Variants in NPSR1 observed in about 807,000 individuals in gnomAD.
The protein encoded by NPSR1 is neuropeptide S receptor.
In NPSR1, 48 loss-of-function variants were observed where a neutral mutation model predicts 46.9. The ratio of observed to expected loss-of-function variants is 1.02; its 90% CI spans 0.81 to 1.30. The LOEUF (loss-of-function observed/expected upper bound fraction) is 1.30. Among genes scored for constraint, NPSR1 ranks in the 50% most tolerant of loss-of-function variants. The pLI is 0.00. For missense variants in NPSR1, 450 were observed against 449.5 expected, an observed-to-expected ratio of 1.00 and a Z score of -0.01; for synonymous variants, 176 against 168.1, an observed-to-expected ratio of 1.05 and a Z score of -0.36.
chr7:34,678,501 C>T (rs1792443171), intron 1 of NPSR1, among the ~76,000 whole-genome samples: 1 of 152,096 alleles, frequency 6.6e-6, no homozygotes, highest in African/African-American at 2.4e-5. Context: ...CTTGTATTCT[C>T]AGCAGAGCTT....
At chr7:34,802,296 C>T (rs1167977285) in intron 3 of NPSR1, among the ~76,000 whole-genome samples, 5 of 150,264 alleles carry the variant, frequency 3.3e-5, no homozygotes, top group Non-Finnish European at 5.9e-5. Context: ...GGAGGCATCA[C>T]ACTACCTGAC....
rs35111710 is a variant in NPSR1, at chr7:34,702,921, C to T, written c.280+18237C>T. On this transcript the variant is annotated intron_variant, in intron 2 of 8. Transcript: ENST00000360581. Reference sequence around the variant, plus strand: ...TAGAACCCGCTAGCATAGACCTACACTAAGTCTTATTCAAAAAGGTCCCTG... The same window carrying T: ...TAGAACCCGCTAGCATAGACCTACATTAAGTCTTATTCAAAAAGGTCCCTG... Among the ~76,000 whole-genome samples the T allele has an allele frequency of 6.0e-3, 918 of 152,308 alleles. 7 individuals carry two copies. The highest frequency in any genetic ancestry group is 7.8e-3 in the Non-Finnish European group (530 of 68,026).
intron 1 of NPSR1, among the ~76,000 whole-genome samples, chr7:34,674,441 C>T (rs1450639061): frequency 6.6e-6 from 1 of 152,162 alleles, no homozygotes; most frequent in Non-Finnish European, 1.5e-5. Flanking sequence ...ATTGCCAACT[C>T]ACCTAAGCAA....
chr7:34,791,297 A>G (rs895577750), intron 3 of NPSR1, among the ~76,000 whole-genome samples: 76 of 143,220 alleles, frequency 5.3e-4, no homozygotes, highest in African/African-American at 1.7e-3. Context: ...ATAATATATA[A>G]AATATATAAT....
intron 2 of NPSR1, among the ~76,000 whole-genome samples, chr7:34,763,431 AC>A (rs1786273701): frequency 6.6e-6 from 1 of 152,210 alleles, no homozygotes; most frequent in Non-Finnish European, 1.5e-5. Flanking sequence ...ATGTAATATC[AC>A]AGTTTTAGGG....
At chr7:34,865,759 A>G (rs917410609) in intron 8 of NPSR1, among the ~76,000 whole-genome samples, 4 of 151,710 alleles carry the variant, frequency 2.6e-5, no homozygotes, top group African/African-American at 7.3e-5. Flanking sequence ...CCTTTGGGCA[A>G]GCTTGGGTGA....
Position 34,849,696 on chromosome 7 carries a change from T to C in NPSR1, c.*41T>C, listed in dbSNP as rs116170741. On this transcript the variant is annotated 3_prime_UTR_variant, in exon 9 of 9. Transcript: ENST00000360581. Reference sequence around the variant, plus strand: ...CAGTGCTAGGCTGAGCACCATCAGCTCTCCCAGGTCCTTGTCACCTGCTTG... The same window carrying C: ...CAGTGCTAGGCTGAGCACCATCAGCCCTCCCAGGTCCTTGTCACCTGCTTG... The C allele has an allele frequency of 5.2e-4, 837 of 1,607,424 alleles. 6 individuals are homozygous for C. The African/African-American group carries it at 0.01, about 20-fold the overall frequency.
chr7:34,803,573 G>A (rs941143492), intron 3 of NPSR1, among the ~76,000 whole-genome samples: 26 of 151,942 alleles, frequency 1.7e-4, no homozygotes, highest in Admixed American at 1.0e-3. Flanking sequence ...GTTGTGGGGT[G>A]GGAGGAGGGG....
At chr7:34,670,724 T>C (rs1011104934) in intron 1 of NPSR1, among the ~76,000 whole-genome samples, 1 of 151,790 alleles carries the variant, frequency 6.6e-6, no homozygotes, top group Non-Finnish European at 1.5e-5. Context: ...TAAAAACAAT[T>C]TTAGATTAAA....
rs1440302459 is a variant in NPSR1, at chr7:34,680,767, T to C, written c.148-3785T>C. Among the ~76,000 whole-genome samples, 5 of 151,966 alleles carry C rather than the reference T, an allele frequency of 3.3e-5. No individual in the cohort carries two copies. In the East Asian group the frequency reaches 9.6e-4, roughly 29 times the overall value. On this transcript the variant is annotated intron_variant, in intron 1 of 8. Coordinates refer to ENST00000360581, the MANE Select transcript of NPSR1 (RefSeq NM_207172.2). ...AAAGAGTCAAGACAAAAGAAACACA[T>C]AGCATAAAACTACTCTATAAAGCTG...
At chr7:34,717,004 A>C (rs1371709814) in intron 2 of NPSR1, among the ~76,000 whole-genome samples, 12 of 152,172 alleles carry the variant, frequency 7.9e-5, no homozygotes, top group Admixed American at 7.9e-4. Context: ...TTTAATAAAC[A>C]CCAGAAAGTC....
At chr7:34,777,834 A>G (rs1160845417) in intron 2 of NPSR1, among the ~76,000 whole-genome samples, 4 of 152,168 alleles carry the variant, frequency 2.6e-5, no homozygotes, top group Non-Finnish European at 5.9e-5. Context: ...AGAATTGAGT[A>G]CAGATGACCT....
chr7:34,874,611 G>T (rs1432658572), intron 8 of NPSR1, among the ~76,000 whole-genome samples: 1 of 152,136 alleles, frequency 6.6e-6, no homozygotes, highest in African/African-American at 2.4e-5. Flanking sequence ...TTGTCTTATT[G>T]CTTAAAACCA....
intron 2 of NPSR1, among the ~76,000 whole-genome samples, chr7:34,712,284 T>C (rs1428266910): frequency 6.6e-6 from 1 of 152,224 alleles, no homozygotes; most frequent in Non-Finnish European, 1.5e-5. Flanking sequence ...AAACCATAGA[T>C]ACTCAACTAT....
intron 2 of NPSR1, among the ~76,000 whole-genome samples, chr7:34,713,946 C>T (rs946050988): frequency 2.6e-5 from 4 of 152,230 alleles, no homozygotes; most frequent in Non-Finnish European, 4.4e-5. Flanking sequence ...TGTAACAAAC[C>T]ATCCCAAATA....
intron 3 of NPSR1, among the ~76,000 whole-genome samples, chr7:34,793,616 T>C (rs2128744904): frequency 6.6e-6 from 1 of 152,252 alleles, no homozygotes; most frequent in South Asian, 2.1e-4. Context: ...TTACATATTG[T>C]TGGTGGGAAT....
intron 3 of NPSR1, among the ~76,000 whole-genome samples, chr7:34,783,397 T>C (rs1003207997): frequency 4.6e-5 from 7 of 152,002 alleles, no homozygotes; most frequent in Non-Finnish European, 8.8e-5. Context: ...CATGAGAACT[T>C]ACTATCATGA....
At chr7:34,805,011 C>T (rs1209094157) in intron 3 of NPSR1, among the ~76,000 whole-genome samples, 1 of 150,180 alleles carries the variant, frequency 6.7e-6, no homozygotes, top group East Asian at 2.0e-4. Flanking sequence ...AAGACGACTA[C>T]AAAACTGATG....
chr7:34,829,111 T>A (rs975066285), intron 5 of NPSR1, among the ~76,000 whole-genome samples: 69 of 152,322 alleles, frequency 4.5e-4, no homozygotes, highest in African/African-American at 1.6e-3. Flanking sequence ...TCTAATAAAA[T>A]ACTATAGCTG....
Sources: gnomAD v4.1 joint callset for allele counts (sites outside exome capture counted in the v4.1 genomes callset) on GRCh38, gnomAD v4.1.1 for gene constraint, MANE v1.5 for transcripts, NCBI Gene and HGNC (gene_info 2026-07-23, HGNC 2026-07-21) for gene names.